Variants in DOCK10 observed in about 807,000 individuals in gnomAD.
The protein encoded by DOCK10 is dedicator of cytokinesis protein 10.
Under a neutral mutation model 280.1 loss-of-function variants are expected in DOCK10, and 145 were observed. The observed-to-expected ratio is 0.52, with a 90% CI of 0.45 to 0.59. The LOEUF is 0.59. Ranked by LOEUF, DOCK10 falls within the 20% of genes least tolerant of loss-of-function variation. The pLI is 0.00. For missense variants in DOCK10, 2,368 were observed against 2,651.7 expected (o/e 0.89, Z 2.35); for synonymous variants, 915 against 942.2 (o/e 0.97, Z 0.53).
chr2:224,975,975 A>G (rs914078399), intron 1 of DOCK10, among the ~76,000 whole-genome samples: 6 of 151,916 alleles, frequency 3.9e-5, no homozygotes, highest in Non-Finnish European at 8.8e-5. Context: ...AATGTAAATC[A>G]CCTCCCTATA....
At chr2:224,894,724 T>C (rs935351874) in intron 4 of DOCK10, among the ~76,000 whole-genome samples, 4 of 152,208 alleles carry the variant, frequency 2.6e-5, no homozygotes, top group Non-Finnish European at 4.4e-5. Context: ...GTTCAGTGTT[T>C]TGAAAAAAGA....
intron 7 of DOCK10, 96 bp from the exon 8 acceptor site, chr2:224,876,317 T>C: frequency 3.7e-6 from 4 of 1,091,860 alleles, no homozygotes; most frequent in South Asian, 3.5e-5. Context: ...CAAAAGTCTT[T>C]CCATACAGAT....
At chr2:224,983,571 A>G in intron 1 of DOCK10, 1 of 303,562 alleles carries the variant, frequency 3.3e-6, no homozygotes, top group South Asian at 3.0e-5. Flanking sequence ...AGGAAGTTTG[A>G]GGAAGGATTG....
intron 22 of DOCK10, 59 bp from the exon 23 acceptor site, chr2:224,841,955 C>T: frequency 8.0e-7 from 1 of 1,243,572 alleles, no homozygotes; most frequent in Non-Finnish European, 1.2e-6. Context: ...GTTACAAACA[C>T]AAACCACTGT....
chr2:224,864,920 T>C lies in DOCK10; in HGVS notation c.1425A>G (p.Ser475=). The change falls in exon 12 of 56, where the codon TCA becomes TCG. Residue 475 remains serine (S), a synonymous_variant. Coordinates refer to ENST00000258390, the MANE Select transcript of DOCK10 (RefSeq NM_014689.3). ...GAAGTCCCTTGATGTGAGGTTCTTC[T>C]GATTGTCTTGGAGTGATGGTGTCGA... is the stretch of plus-strand genomic sequence containing the variant. The part of the protein sequence containing the change: ...GNIDTITPRQ[S]EEPHIKGLPE... 1 of 1,614,016 alleles carries C rather than the reference T, an allele frequency of 6.2e-7. No individual in the cohort carries two copies. Among genetic ancestry groups the C allele is most frequent in the Non-Finnish European group, 8.5e-7 (1 of 1,179,896 alleles).
chr2:224,919,800 G>A (rs1007021289), intron 2 of DOCK10, among the ~76,000 whole-genome samples: 1 of 152,050 alleles, frequency 6.6e-6, no homozygotes, highest in East Asian at 1.9e-4. Flanking sequence ...AAGATCAGAG[G>A]ATGAAAAATA....
At chr2:224,971,268 CACGG>C (rs374618778) in intron 1 of DOCK10, among the ~76,000 whole-genome samples, 2 of 151,580 alleles carry the variant, frequency 1.3e-5, no homozygotes, top group African/African-American at 4.9e-5. Flanking sequence ...TCAACAGAGA[CACGG>C]AGGGCAGGAA....
intron 52 of DOCK10, 68 bp from the exon 53 acceptor site, chr2:224,773,415 G>T: frequency 7.2e-7 from 1 of 1,387,972 alleles, no homozygotes; most frequent in Admixed American, 1.9e-5. Flanking sequence ...TTTCCCTGAA[G>T]GACCAGAGGA....
rs1690364331 is a variant in DOCK10 at position 224,770,483 on chromosome 2, G to C, written c.6305+62C>G. On this transcript the variant is annotated intron_variant, in intron 54 of 55. Coordinates refer to ENST00000258390, the MANE Select transcript of DOCK10 (RefSeq NM_014689.3). The surrounding 1 kb of genome is among the most constrained non-coding windows in gnomAD (Gnocchi z 4.5). The stretch of plus-strand genomic sequence containing the variant: ...AGTTTTGGTGTGATGGATTCTTGGG[G>C]GATTGAGGACTCCCTGTCTCAGGAA... The C allele has an allele frequency of 1.9e-6, 3 of 1,576,288 alleles. No homozygotes were observed. The African/African-American group carries it at 4.0e-5, about 21-fold the overall frequency.
intron 1 of DOCK10, among the ~76,000 whole-genome samples, chr2:225,011,608 A>G (rs2126298537): frequency 6.6e-6 from 1 of 152,324 alleles, no homozygotes; most frequent in South Asian, 2.1e-4. Flanking sequence ...CATCTATTTA[A>G]TCCTGATTTT....
At chr2:224,942,887 A>G (rs577272689) in intron 1 of DOCK10, among the ~76,000 whole-genome samples, 2 of 152,292 alleles carry the variant, frequency 1.3e-5, no homozygotes, top group Admixed American at 6.5e-5. Flanking sequence ...AAAACAACAA[A>G]TCACATTTAT....
chr2:224,955,929 C>T (rs1378036458), intron 1 of DOCK10, among the ~76,000 whole-genome samples: 1 of 152,212 alleles, frequency 6.6e-6, no homozygotes, highest in Non-Finnish European at 1.5e-5. Context: ...GAGAATGACT[C>T]TCTGTCAAAC....
At chr2:225,021,769 A>C (rs1244843384) in intron 1 of DOCK10, among the ~76,000 whole-genome samples, 3 of 152,206 alleles carry the variant, frequency 2.0e-5, no homozygotes, top group African/African-American at 4.8e-5. Context: ...CCAAGACATA[A>C]CAATTTGAGT....
chr2:224,934,719 A>AGCTTT, intron 1 of DOCK10, among the ~76,000 whole-genome samples: 2 of 152,356 alleles, frequency 1.3e-5, no homozygotes, highest in East Asian at 3.9e-4. Context: ...ATTGATTTAC[A>AGCTTT]GCTTTAACAA....
chr2:224,804,731 A>T, intron 38 of DOCK10, 63 bp downstream of exon 38: 1 of 1,097,398 alleles, frequency 9.1e-7, no homozygotes, highest in South Asian at 1.6e-5. Flanking sequence ...AACCTGACAC[A>T]TTAATACATG....
In DOCK10 at chr2:224,874,789, C is replaced by T. The variant is rs1249383989; in HGVS notation, c.932-38G>A. ...TACCAAGTCAGGTTATTAAATATTACTCACGAGTCACACATTCTTCTAGCC... is the reference window on the plus strand; with the variant it reads ...TACCAAGTCAGGTTATTAAATATTATTCACGAGTCACACATTCTTCTAGCC... On this transcript the variant is annotated intron_variant, in intron 8 of 55. Coordinates refer to ENST00000258390, the MANE Select transcript of DOCK10 (RefSeq NM_014689.3). 3.8e-6 allele frequency: 6 copies of T among 1,561,030 alleles called. No homozygotes were observed. The African/African-American group carries it at 4.1e-5, about 11-fold the overall frequency.
intron 1 of DOCK10, among the ~76,000 whole-genome samples, chr2:225,030,707 C>T (rs1403290950): frequency 6.6e-6 from 1 of 152,022 alleles, no homozygotes; most frequent in East Asian, 1.9e-4. Context: ...TTTGAATAGC[C>T]TTTGTGGGAA....
At chr2:224,960,868 T>C (rs1704335404) in intron 1 of DOCK10, among the ~76,000 whole-genome samples, 1 of 151,388 alleles carries the variant, frequency 6.6e-6, no homozygotes, top group African/African-American at 2.4e-5. Context: ...GCCTCCCGTG[T>C]AGCTGGGACT....
chr2:224,794,885 T>A lies in DOCK10; in HGVS notation c.5148A>T (p.Leu1716Phe). 2.5e-6 allele frequency: 4 copies of A among 1,613,568 alleles called. No homozygotes were observed. Among genetic ancestry groups the A allele is most frequent in the Non-Finnish European group, 3.4e-6 (4 of 1,179,808 alleles). The change falls in exon 45 of 56, where the codon TTA becomes TTT. Residue 1716 changes from leucine to phenylalanine, a missense_variant. Transcript: ENST00000258390. ...CCAAGCCTTGGCTAATCACCTCAGATAAATCTCCGTTTCTGGCATGAATCT... is the reference window on the plus strand; with the variant it reads ...CCAAGCCTTGGCTAATCACCTCAGAAAAATCTCCGTTTCTGGCATGAATCT... ...MAKIHARNGD[L>F]SEAAMCYIHI... is the part of the protein sequence containing the mutation.
Sources: allele counts gnomAD v4.1 joint callset (sites outside exome capture counted in the v4.1 genomes callset), GRCh38; gene constraint gnomAD v4.1.1; non-coding constraint Gnocchi (gnomAD v3.1); transcripts MANE v1.5; gene names NCBI Gene and HGNC (gene_info 2026-07-23, HGNC 2026-07-21).